MOB3B: variants seen among roughly 807,000 people sequenced by gnomAD.
MOB3B encodes MOB kinase activator 3B, also known as MOB kinase activator-like 2B.
In MOB3B, 7 loss-of-function variants were observed where a neutral mutation model predicts 18.7. The observed-to-expected ratio is 0.37, with a 90% CI of 0.21 to 0.70. The LOEUF (loss-of-function observed/expected upper bound fraction) is 0.70, where lower values mean the gene tolerates loss of function less well. Among genes scored for constraint, MOB3B ranks in the 30% least tolerant of loss-of-function variants. The pLI is 0.52. For missense variants in MOB3B, 253 were observed against 281.3 expected (o/e 0.90, Z 0.72); for synonymous variants, 111 against 99.9 (o/e 1.11, Z -0.66).
At chr9:27,396,350 C>T (rs550509118) in intron 2 of MOB3B, among the ~76,000 whole-genome samples, 1 of 152,150 alleles carries the variant, frequency 6.6e-6, no homozygotes, top group African/African-American at 2.4e-5. Flanking sequence ...CTCCCTCAGT[C>T]ACTGGGGCTC....
intron 2 of MOB3B, among the ~76,000 whole-genome samples, chr9:27,368,076 A>G (rs1304973705): frequency 6.6e-6 from 1 of 152,158 alleles, no homozygotes; most frequent in Non-Finnish European, 1.5e-5. Flanking sequence ...AATAAAAACA[A>G]CATCCCACAC....
At chr9:27,420,043 C>T (rs1391236777) in intron 2 of MOB3B, among the ~76,000 whole-genome samples, 1 of 151,908 alleles carries the variant, frequency 6.6e-6, no homozygotes, top group Non-Finnish European at 1.5e-5. Flanking sequence ...GGCCAACAAA[C>T]ATGAAAAAAA....
At chr9:27,336,499 G>A (rs1820864956) in intron 3 of MOB3B, among the ~76,000 whole-genome samples, 1 of 152,164 alleles carries the variant, frequency 6.6e-6, no homozygotes, top group African/African-American at 2.4e-5. Context: ...GCTCCGCAGT[G>A]TGGTAAGGAG....
rs147453879 is a variant in MOB3B, at chr9:27,455,039, A to G, written c.418+94T>C. 5.2e-4 allele frequency: 682 copies of G among 1,306,990 alleles called. 5 individuals are homozygous for G. The East Asian group carries it at 0.014, about 26-fold the overall frequency. The allele number at this position is 1,306,990 out of a possible 1,614,324, so 81.0% of individuals were successfully genotyped here. A position where few individuals can be genotyped will look rare whatever the true frequency, so the allele number is the denominator to read the frequency against. The stretch of plus-strand genomic sequence containing the variant: ...GGTATGTGAGTGATGGGATTAATGC[A>G]TGGGTGCTACCTAGCATTCAAAGGC... On this transcript the variant is annotated intron_variant, in intron 2 of 3. Coordinates refer to ENST00000262244, the MANE Select transcript of MOB3B (RefSeq NM_024761.5).
At chr9:27,354,153 C>T (rs113376417) in intron 3 of MOB3B, among the ~76,000 whole-genome samples, 1 of 152,234 alleles carries the variant, frequency 6.6e-6, no homozygotes, top group South Asian at 2.1e-4. Flanking sequence ...ATGAGGCAAG[C>T]TCTGGGGGTG....
chr9:27,449,311 C>T (rs533305986), intron 2 of MOB3B, among the ~76,000 whole-genome samples: 1 of 152,242 alleles, frequency 6.6e-6, no homozygotes, highest in South Asian at 2.1e-4. Context: ...TAATAGTCTC[C>T]AAGAGTTTTG....
chr9:27,357,783 G>A (rs189208629), intron 3 of MOB3B, among the ~76,000 whole-genome samples: 1 of 151,178 alleles, frequency 6.6e-6, no homozygotes, highest in Admixed American at 6.6e-5. Context: ...CAGGCATGGT[G>A]GCTCACACCT....
At chr9:27,501,753 T>G (rs919053424) in intron 1 of MOB3B, among the ~76,000 whole-genome samples, 3 of 99,262 alleles carry the variant, frequency 3.0e-5, no homozygotes, top group Non-Finnish European at 4.2e-5. Flanking sequence ...GGCGACAGAG[T>G]GAGACTCTGT....
chr9:27,509,589 G>C (rs529491529), intron 1 of MOB3B, among the ~76,000 whole-genome samples: 1 of 151,334 alleles, frequency 6.6e-6, no homozygotes, highest in Non-Finnish European at 1.5e-5. Context: ...GCTAATTTTT[G>C]TATTTTCAGT....
At chr9:27,343,693 T>C (rs1312666152) in intron 3 of MOB3B, among the ~76,000 whole-genome samples, 1 of 138,604 alleles carries the variant, frequency 7.2e-6, no homozygotes, top group Non-Finnish European at 1.5e-5. Context: ...GAGGCTGGAA[T>C]TTTAGCCTTT....
In MOB3B at chr9:27,380,006, G is replaced by A. The variant is rs1216461106; in HGVS notation, c.419-20770C>T. On this transcript the variant is annotated intron_variant, in intron 2 of 3. Transcript: ENST00000262244. ...GTGTCATTAAGTATATTGACACAAC[G>A]GTTAAAACATTAACCCCAGTGAAAC... Among the ~76,000 whole-genome samples the A allele has an allele frequency of 3.9e-5, 6 of 152,060 alleles. No individual in the cohort carries two copies. The South Asian group carries it at 1.3e-3, about 32-fold the overall frequency.
chr9:27,366,360 A>C (rs892070377), intron 2 of MOB3B, among the ~76,000 whole-genome samples: 1 of 152,050 alleles, frequency 6.6e-6, no homozygotes, highest in Non-Finnish European at 1.5e-5. Flanking sequence ...AATTTAATAA[A>C]AATTCCAGTA....
At chr9:27,362,534 C>A (rs1821287318) in intron 2 of MOB3B, among the ~76,000 whole-genome samples, 1 of 152,152 alleles carries the variant, frequency 6.6e-6, no homozygotes, top group South Asian at 2.1e-4. Context: ...TTGGCTCTGG[C>A]TGCTAAGTCA....
At chr9:27,449,995 A>AC (rs1385720121) in intron 2 of MOB3B, among the ~76,000 whole-genome samples, 1 of 151,878 alleles carries the variant, frequency 6.6e-6, no homozygotes, top group African/African-American at 2.4e-5. Context: ...AAAAAAAAAA[A>AC]AAAAAAAACT....
intron 2 of MOB3B, among the ~76,000 whole-genome samples, chr9:27,420,039 C>A (rs1288704091): frequency 6.6e-6 from 1 of 151,726 alleles, no homozygotes; most frequent in Non-Finnish European, 1.5e-5. Context: ...AAATGGCCAA[C>A]AAACATGAAA....
Position 27,455,319 on chromosome 9 carries a change from T to C in MOB3B, c.232A>G (p.Ile78Val). 1 of 1,614,152 alleles carries C rather than the reference T, an allele frequency of 6.2e-7. No homozygotes were observed. The highest frequency in any genetic ancestry group is 8.5e-7 in the Non-Finnish European group (1 of 1,180,016). ...GTCCGCTCGGTGCAGAACTCACAGA[T>C]GGTGCCATAGATGAGGTTGATCCGA... ...FNRINLIYGT[I>V]CEFCTERTCP... The change falls in exon 2 of 4, where the codon ATC becomes GTC. Residue 78 changes from isoleucine (I) to valine (V), a missense_variant. Physicochemically the swap from Ile to Val is conservative, Grantham distance 29. Coordinates refer to ENST00000262244, the MANE Select transcript of MOB3B (RefSeq NM_024761.5).
intron 2 of MOB3B, among the ~76,000 whole-genome samples, 184 bp from the exon 3 acceptor site, chr9:27,359,420 C>G (rs934838337): frequency 2.0e-5 from 3 of 151,572 alleles, no homozygotes; most frequent in African/African-American, 7.3e-5. Context: ...CACCTTCCAC[C>G]TCCCCATCAA....
chr9:27,522,520 G>A (rs1455355833), intron 1 of MOB3B, among the ~76,000 whole-genome samples: 1 of 151,044 alleles, frequency 6.6e-6, no homozygotes, highest in Admixed American at 6.6e-5. Flanking sequence ...AAACTACAAA[G>A]TGTATCTATC....
intron 3 of MOB3B, among the ~76,000 whole-genome samples, chr9:27,342,140 C>T (rs546095071): frequency 1.8e-4 from 27 of 152,206 alleles, no homozygotes; most frequent in East Asian, 1.4e-3. Context: ...GGACAGAGCC[C>T]GGCATTTAGC....
Sources: allele counts gnomAD v4.1 joint callset (sites outside exome capture counted in the v4.1 genomes callset), GRCh38; gene constraint gnomAD v4.1.1; transcripts MANE v1.5; gene names NCBI Gene and HGNC (gene_info 2026-07-23, HGNC 2026-07-21).